Variants in NLRP3 observed in about 807,000 individuals in gnomAD.
The protein encoded by NLRP3 is NLR family pyrin domain containing 3, also known as NACHT, LRR and PYD domains-containing protein 3.
A neutral mutation model predicts 91.3 loss-of-function variants in NLRP3; 48 were observed. That is an observed-to-expected ratio of 0.53 (90% CI 0.42 to 0.67). The LOEUF is 0.67. NLRP3 is among the 30% of genes least tolerant of loss of function. NLRP3 has a pLI of 0.00. For synonymous variants in NLRP3, 561 were observed against 507.9 expected (o/e 1.10, Z -1.41); for missense variants, 982 against 1,276.9 (o/e 0.77, Z 3.52).
At chr1:247,434,398 G>A (rs1663634843) in intron 6 of NLRP3, 125 bp downstream of exon 6, 1 of 982,988 alleles carries the variant, frequency 1.0e-6, no homozygotes, top group Non-Finnish European at 1.6e-6. Context: ...GTGACTGCGT[G>A]TGCTTGTCTT....
chr1:247,443,548 T>C (rs929727594), intron 7 of NLRP3, among the ~76,000 whole-genome samples: 6 of 145,530 alleles, frequency 4.1e-5, no homozygotes, highest in South Asian at 2.2e-4. Flanking sequence ...GATTTTTTTT[T>C]CCTGTCTCTC....
chr1:247,443,709 G>A (rs1171924089), intron 7 of NLRP3, among the ~76,000 whole-genome samples: 2 of 151,856 alleles, frequency 1.3e-5, no homozygotes, highest in Non-Finnish European at 2.9e-5. Context: ...AGGAGGAGGA[G>A]TATGGGGTAA....
chr1:247,416,637 C>T (rs181855490), intron 1 of NLRP3, among the ~76,000 whole-genome samples: 7 of 125,168 alleles, frequency 5.6e-5, no homozygotes, highest in Non-Finnish European at 9.9e-5. Context: ...GGAGGGTATG[C>T]GGAGCTAATA....
chr1:247,423,407 G>C lies in NLRP3; in HGVS notation c.397+58G>C, dbSNP rs917495814. 5 of 1,608,988 alleles carry C rather than the reference G, an allele frequency of 3.1e-6. No homozygotes were observed. In the African/African-American group the frequency reaches 6.7e-5, roughly 22 times the overall value. On this transcript the variant is annotated intron_variant, in intron 3 of 9. Coordinates refer to ENST00000336119, the MANE Select transcript of NLRP3 (RefSeq NM_001243133.2). The stretch of plus-strand genomic sequence containing the variant: ...TTTAAGACCTGGTTCAGGAGGCTCT[G>C]GGAAGCTGAGCAGCTGGGTAACTTG...
At chr1:247,444,203 T>G in intron 8 of NLRP3, 61 bp downstream of exon 8, 1 of 1,522,644 alleles carries the variant, frequency 6.6e-7, no homozygotes, top group South Asian at 1.1e-5. Context: ...GGAGGGACGT[T>G]TAGGCAGAGT....
At chr1:247,448,340 A>T in intron 9 of NLRP3, 65 bp from the exon 10 acceptor site, 1 of 780,398 alleles carries the variant, frequency 1.3e-6, no homozygotes, top group Non-Finnish European at 2.3e-6. Context: ...TGAGACTTTT[A>T]AGGTTAACGA....
chr1:247,418,706 G>T lies in NLRP3; in HGVS notation c.-95G>T, dbSNP rs2103083160. The T allele has an allele frequency of 7.0e-7, 1 of 1,437,464 alleles. No homozygotes were observed. The highest frequency in any genetic ancestry group is 2.3e-5 in the East Asian group (1 of 43,966). 89.0% of individuals were successfully genotyped at this position (1,437,464 alleles called of 1,614,324 possible). A position where few individuals can be genotyped will look rare whatever the true frequency, so the allele number is the denominator to read the frequency against. On this transcript the variant is annotated 5_prime_UTR_variant, in exon 2 of 10. Coordinates refer to ENST00000336119, the MANE Select transcript of NLRP3 (RefSeq NM_001243133.2). ...GATAATTTATATCTCTCAAAGTGGAGACTTTAAAAAAGACTCATCCGTGTG... is the reference window on the plus strand; with the variant it reads ...GATAATTTATATCTCTCAAAGTGGATACTTTAAAAAAGACTCATCCGTGTG...
rs1662232393 is a variant in NLRP3 at position 247,418,821 on chromosome 1, G to A, written c.21G>A (p.Lys7=). The stretch of plus-strand genomic sequence containing the variant: ...TGAAGATGGCAAGCACCCGCTGCAA[G>A]CTGGCCAGGTACCTGGAGGACCTGG... The part of the protein sequence containing the change: MASTRC[K]LARYLEDLED... Residue 7 remains lysine (K), a synonymous_variant, in exon 2 of 10, where the codon AAG becomes AAA. Coordinates refer to ENST00000336119, the MANE Select transcript of NLRP3 (RefSeq NM_001243133.2). 6.2e-7 allele frequency: 1 copy of A among 1,614,068 alleles called. No individual in the cohort carries two copies. Among genetic ancestry groups the A allele is most frequent in the East Asian group, 2.2e-5 (1 of 44,884 alleles).
At chr1:247,443,549 CCTGT>C (rs982878751) in intron 7 of NLRP3, among the ~76,000 whole-genome samples, 19 of 142,038 alleles carry the variant, frequency 1.3e-4, no homozygotes, top group African/African-American at 2.1e-4. Flanking sequence ...ATTTTTTTTT[CCTGT>C]CTCTCTTAAA....
In NLRP3 at chr1:247,418,376, A is replaced by C; in HGVS notation, c.-425A>C. The C allele has an allele frequency of 3.5e-6, 1 of 285,640 alleles. No individual in the cohort carries two copies. Among genetic ancestry groups the C allele is most frequent in the Non-Finnish European group, 6.8e-6 (1 of 146,088 alleles). The allele number at this position is 285,640 out of a possible 1,614,324, so 17.7% of individuals were successfully genotyped here. A position where few individuals can be genotyped will look rare whatever the true frequency, so the allele number is the denominator to read the frequency against. On this transcript the variant is annotated 5_prime_UTR_variant, in exon 2 of 10. Coordinates refer to ENST00000336119, the MANE Select transcript of NLRP3 (RefSeq NM_001243133.2). ...GAGTGCAGTGGCGTGATCTTGGCTCACTGCAGCCTCCACTTCCCGGGTTCA... is the reference window on the plus strand; with the variant it reads ...GAGTGCAGTGGCGTGATCTTGGCTCCCTGCAGCCTCCACTTCCCGGGTTCA...
At chr1:247,433,212 A>C (rs1663472035) in intron 5 of NLRP3, among the ~76,000 whole-genome samples, 1 of 151,534 alleles carries the variant, frequency 6.6e-6, no homozygotes, top group Non-Finnish European at 1.5e-5. Flanking sequence ...GTCTTTAAAA[A>C]AAGAAAAGAA....
chr1:247,416,794 G>A (rs1662100997), intron 1 of NLRP3, among the ~76,000 whole-genome samples: 1 of 152,158 alleles, frequency 6.6e-6, no homozygotes, highest in Non-Finnish European at 1.5e-5. Context: ...AGGCAGGAAT[G>A]GAGATGGGAC....
intron 9 of NLRP3, 73 bp from the exon 10 acceptor site, chr1:247,448,332 A>C (rs1664738337): frequency 1.4e-6 from 1 of 705,762 alleles, no homozygotes; most frequent in Non-Finnish European, 2.6e-6. Flanking sequence ...TGAAGAGATG[A>C]GACTTTTAAG....
Position 247,444,761 on chromosome 1 carries a change from T to C in NLRP3, c.2945T>C (p.Leu982Pro), listed in dbSNP as rs1664481743. ...LSLGNNDLGD[L>P]GVMMFCEVLK... is the part of the protein sequence containing the mutation. The stretch of plus-strand genomic sequence containing the variant: ...CTGGGCAACAATGACCTGGGCGACC[T>C]GGGGGTCATGATGTTCTGTGAAGTG... The change falls in exon 9 of 10, where the codon CTG becomes CCG. Residue 982 changes from leucine (L) to proline (P), a missense_variant. Physicochemically the swap from Leu to Pro is moderately conservative, Grantham distance 98. This residue lies in a region of NLRP3 where 373 missense variants were observed against 431.5 expected (regional missense o/e 0.86). Transcript: ENST00000336119. 1.2e-6 allele frequency: 2 copies of C among 1,614,126 alleles called. No homozygotes were observed. The highest frequency in any genetic ancestry group is 1.3e-5 in the African/African-American group (1 of 75,024).
In NLRP3 at chr1:247,448,552, C is replaced by A; in HGVS notation, c.*48C>A. 8.8e-7 allele frequency: 1 copy of A among 1,135,412 alleles called. No individual in the cohort carries two copies. Among genetic ancestry groups the A allele is most frequent in the Non-Finnish European group, 1.3e-6 (1 of 742,724 alleles). 70.3% of individuals were successfully genotyped at this position (1,135,412 alleles called of 1,614,324 possible). On this transcript the variant is annotated 3_prime_UTR_variant, in exon 10 of 10. Coordinates refer to ENST00000336119, the MANE Select transcript of NLRP3 (RefSeq NM_001243133.2). Reference sequence around the variant, plus strand: ...CGCCAGTGTTCTCCGGTCCCTCCAGCTGGGGGCCCTCAGGTGGAGAGAGCT... The same window carrying A: ...CGCCAGTGTTCTCCGGTCCCTCCAGATGGGGGCCCTCAGGTGGAGAGAGCT...
Position 247,436,263 on chromosome 1 carries a change from A to G in NLRP3, c.2663+123A>G, listed in dbSNP as rs543869700. 5.6e-6 allele frequency: 5 copies of G among 891,080 alleles called. No homozygotes were observed. In the East Asian group the frequency reaches 7.8e-5, roughly 14 times the overall value. The allele number at this position is 891,080 out of a possible 1,614,324, so 55.2% of individuals were successfully genotyped here. A position where few individuals can be genotyped will look rare whatever the true frequency, so the allele number is the denominator to read the frequency against. ...GAAGGTAGAGTAAGGAGGTAAAAAC[A>G]TCAGAAATGCTTTGAAGGACTGGAG... is the stretch of plus-strand genomic sequence containing the variant. On this transcript the variant is annotated intron_variant, in intron 7 of 9. Transcript: ENST00000336119.
intron 2 of NLRP3, among the ~76,000 whole-genome samples, chr1:247,422,298 G>T (rs894396974): frequency 2.6e-5 from 4 of 151,142 alleles, no homozygotes; most frequent in Non-Finnish European, 4.4e-5. Context: ...AGGATCACTT[G>T]AGCCCAGGAG....
Position 247,436,885 on chromosome 1 carries a change from G to C in NLRP3, c.2663+745G>C, listed in dbSNP as rs570933221. ...CTGTATCACTTTCCCTGTATCACCT[G>C]CTCTTTCATGTTCTTACATGGATTT... On this transcript the variant is annotated intron_variant, in intron 7 of 9. Coordinates refer to ENST00000336119, the MANE Select transcript of NLRP3 (RefSeq NM_001243133.2). 6.6e-5 allele frequency among the ~76,000 whole-genome samples: 10 copies of C among 152,322 alleles called. No homozygotes were observed. In the South Asian group the frequency reaches 2.1e-3, roughly 32 times the overall value.
rs552922766 is a variant in NLRP3, at chr1:247,445,411, AG to A, written c.3005+592del. ...GAGTTGGGGTTTCACTGTGTTAGCCAGGATGGTCTCCATCTCCTGACCTCGT... is the reference window on the plus strand; with the variant it reads ...GAGTTGGGGTTTCACTGTGTTAGCCAGATGGTCTCCATCTCCTGACCTCGT... On this transcript the variant is annotated intron_variant, in intron 9 of 9. Coordinates refer to ENST00000336119, the MANE Select transcript of NLRP3 (RefSeq NM_001243133.2). Among the ~76,000 whole-genome samples the A allele has an allele frequency of 5.1e-3, 776 of 152,226 alleles. 4 individuals are homozygous for A. The highest frequency in any genetic ancestry group is 6.0e-3 in the Non-Finnish European group (408 of 68,014).
Sources: gnomAD v4.1 joint callset for allele counts (sites outside exome capture counted in the v4.1 genomes callset) on GRCh38, gnomAD v4.1.1 for gene constraint, gnomAD v4.1.1 regional missense constraint, MANE v1.5 for transcripts, NCBI Gene and HGNC (gene_info 2026-07-23, HGNC 2026-07-21) for gene names.